GRID2: variants seen among roughly 807,000 people sequenced by gnomAD.
The protein encoded by GRID2 is glutamate ionotropic receptor delta type subunit 2.
Under a neutral mutation model 114.8 loss-of-function variants are expected in GRID2, and 33 were observed. The ratio of observed to expected loss-of-function variants is 0.29; its 90% confidence interval spans 0.22 to 0.38. The LOEUF is 0.38. Ranked by LOEUF, GRID2 falls within the 10% of genes least tolerant of loss-of-function variation. The probability of loss-of-function intolerance (pLI) is 1.00; values close to 1 mark genes in which losing one functional copy is unlikely to be tolerated. For missense variants in GRID2, 1,184 were observed against 1,257.7 expected (o/e 0.94, Z 0.89); for synonymous variants, 505 against 449.9 (o/e 1.12, Z -1.55).
chr4:92,797,626 G>A (rs1398596326), intron 2 of GRID2, among the ~76,000 whole-genome samples: 1 of 151,748 alleles, frequency 6.6e-6, no homozygotes, highest in Non-Finnish European at 1.5e-5. Flanking sequence ...TATATTTTAT[G>A]ATAGTGAATG....
intron 2 of GRID2, among the ~76,000 whole-genome samples, chr4:93,055,219 C>T (rs1279064251): frequency 6.6e-6 from 1 of 151,562 alleles, no homozygotes; most frequent in East Asian, 1.9e-4. Flanking sequence ...TTGAACTATA[C>T]CCAGAAGAGT....
intron 2 of GRID2, among the ~76,000 whole-genome samples, chr4:92,686,975 T>C (rs1056276791): frequency 2.6e-5 from 4 of 152,162 alleles, no homozygotes; most frequent in Admixed American, 2.6e-4. Context: ...TGAAATTTCC[T>C]TCTCTGTCTT....
chr4:92,415,507 C>A (rs939704435), intron 1 of GRID2, among the ~76,000 whole-genome samples: 3 of 151,424 alleles, frequency 2.0e-5, no homozygotes, highest in African/African-American at 7.3e-5. Context: ...ACCATTATAT[C>A]ATTCTTTAGG....
intron 2 of GRID2, among the ~76,000 whole-genome samples, chr4:93,076,668 A>G (rs1578918758): frequency 7.9e-6 from 1 of 127,230 alleles, no homozygotes; most frequent in African/African-American, 3.1e-5. Flanking sequence ...CCCAGGCTGG[A>G]GTGCAATGGC....
intron 13 of GRID2, among the ~76,000 whole-genome samples, chr4:93,545,023 C>T (rs928721203): frequency 2.6e-5 from 4 of 152,124 alleles, no homozygotes; most frequent in Non-Finnish European, 4.4e-5. Flanking sequence ...GAATTAATCA[C>T]TCACTTCTTT....
rs550514196 is a variant in GRID2, at chr4:93,727,319, C to T, written c.2361-41891C>T. Among the ~76,000 whole-genome samples the T allele has an allele frequency of 4.3e-3, 654 of 152,312 alleles. 1 individual carries two copies. Among genetic ancestry groups the T allele is most frequent in the Non-Finnish European group, 7.2e-3 (493 of 68,026 alleles). On this transcript the variant is annotated intron_variant, in intron 14 of 15. Coordinates refer to ENST00000282020, the MANE Select transcript of GRID2 (RefSeq NM_001510.4). ...ATTTGCGTATGTTGAACCAGCCTTG[C>T]ATCCCAGGGATGAAGCCCACTTGAT... is the stretch of plus-strand genomic sequence containing the variant.
chr4:92,612,883 G>A (rs574972220), intron 2 of GRID2, among the ~76,000 whole-genome samples: 3 of 151,434 alleles, frequency 2.0e-5, no homozygotes, highest in African/African-American at 7.2e-5. Context: ...TACATTTACA[G>A]TCCTTCCTTT....
chr4:93,732,875 A>T (rs905312590), intron 14 of GRID2, among the ~76,000 whole-genome samples: 3 of 152,100 alleles, frequency 2.0e-5, no homozygotes, highest in Non-Finnish European at 2.9e-5. Context: ...ACACATCCCA[A>T]GCAAACATTT....
intron 14 of GRID2, among the ~76,000 whole-genome samples, chr4:93,690,469 TG>T (rs1191769306): frequency 1.3e-5 from 2 of 152,014 alleles, no homozygotes; most frequent in African/African-American, 4.8e-5. Flanking sequence ...ATTATGGTCT[TG>T]GTATAAATTC....
At chr4:93,419,034 A>C (rs1472888816) in intron 9 of GRID2, among the ~76,000 whole-genome samples, 1 of 150,404 alleles carries the variant, frequency 6.6e-6, no homozygotes, top group Non-Finnish European at 1.5e-5. Flanking sequence ...CTGATCTATT[A>C]AAAAAGATAT....
chr4:93,324,041 C>T (rs1324530954), intron 8 of GRID2, among the ~76,000 whole-genome samples: 2 of 152,128 alleles, frequency 1.3e-5, no homozygotes, highest in East Asian at 3.9e-4. Context: ...CCCTGTATTT[C>T]TTTCTCCTGC....
intron 2 of GRID2, chr4:92,822,404 A>G (rs1280729518): frequency 5.2e-6 from 3 of 581,468 alleles, no homozygotes; most frequent in Middle Eastern, 3.6e-4. Context: ...CAGATTCCGT[A>G]CCTTGACCAG....
intron 13 of GRID2, among the ~76,000 whole-genome samples, chr4:93,608,071 TATATATGCATATATATACAC>T (rs1740458374): frequency 6.8e-6 from 1 of 147,606 alleles, no homozygotes; most frequent in South Asian, 2.1e-4. Flanking sequence ...TATATAAGTA[TATATATGCATATATATACAC>T]ATATATGTAT....
At chr4:93,766,047 T>C (rs1032180560) in intron 14 of GRID2, among the ~76,000 whole-genome samples, 4 of 152,292 alleles carry the variant, frequency 2.6e-5, no homozygotes, top group African/African-American at 9.6e-5. Flanking sequence ...TTACCAAAAC[T>C]GTGTTGAGTA....
At chr4:93,148,564 C>A (rs1736456309) in intron 4 of GRID2, among the ~76,000 whole-genome samples, 6 of 151,990 alleles carry the variant, frequency 3.9e-5, no homozygotes, top group Admixed American at 3.9e-4. Context: ...AATATATCTC[C>A]AAATTAAGTA....
At chr4:93,228,738 T>C (rs1256061074) in intron 7 of GRID2, among the ~76,000 whole-genome samples, 1 of 152,168 alleles carries the variant, frequency 6.6e-6, no homozygotes, top group Non-Finnish European at 1.5e-5. Flanking sequence ...TGCCAATTTA[T>C]TAATTCATGG....
chr4:92,976,547 T>G (rs1753887223), intron 2 of GRID2, among the ~76,000 whole-genome samples: 1 of 152,116 alleles, frequency 6.6e-6, no homozygotes. Context: ...TTCTGGGATA[T>G]TTTGCCCTAA....
intron 2 of GRID2, among the ~76,000 whole-genome samples, chr4:92,755,409 A>T (rs112016030): frequency 1.8e-3 from 270 of 152,314 alleles, no homozygotes; most frequent in African/African-American, 6.3e-3. Flanking sequence ...CCTATCTTCA[A>T]GTACTATTAC....
chr4:93,719,172 CACTTA>C (rs897505058), intron 14 of GRID2, among the ~76,000 whole-genome samples: 1 of 151,752 alleles, frequency 6.6e-6, no homozygotes, highest in African/African-American at 2.4e-5. Flanking sequence ...TTAACATAAA[CACTTA>C]AAAGAGAAAA....
Sources: gnomAD v4.1 joint callset for allele counts (sites outside exome capture counted in the v4.1 genomes callset) on GRCh38, gnomAD v4.1.1 for gene constraint, MANE v1.5 for transcripts, NCBI Gene and HGNC (gene_info 2026-07-23, HGNC 2026-07-21) for gene names.